Variants in SGIP1 observed in about 807,000 individuals in gnomAD.
SGIP1 encodes SH3-containing GRB2-like protein 3-interacting protein 1.
Under a neutral mutation model 107.5 loss-of-function variants are expected in SGIP1, and 38 were observed. That is an observed-to-expected ratio of 0.35 (90% CI 0.27 to 0.46). The LOEUF is 0.46. Among genes scored for constraint, SGIP1 ranks in the 20% least tolerant of loss-of-function variants. SGIP1 has a pLI of 1.00. For missense variants in SGIP1, 929 were observed against 1,019.5 expected (o/e 0.91, Z 1.21); for synonymous variants, 365 against 366.1 (o/e 1.00, Z 0.03).
chr1:66,693,583 T>C (rs1298518294), intron 17 of SGIP1, among the ~76,000 whole-genome samples: 1 of 152,264 alleles, frequency 6.6e-6, no homozygotes, highest in Non-Finnish European at 1.5e-5. Flanking sequence ...TACTGGTCTT[T>C]GTACAGATTT....
At chr1:66,681,799 G>A in intron 14 of SGIP1, 70 bp from the exon 15 acceptor site, 1 of 1,499,922 alleles carries the variant, frequency 6.7e-7, no homozygotes, top group Non-Finnish European at 9.0e-7. Context: ...TCCAGTCTTT[G>A]CCTCCCTCCC....
chr1:66,559,242 G>C (rs1022451050), intron 1 of SGIP1, among the ~76,000 whole-genome samples: 1 of 152,058 alleles, frequency 6.6e-6, no homozygotes, highest in African/African-American at 2.4e-5. Context: ...AGGCTTATAG[G>C]GGAGGCTGAT....
intron 18 of SGIP1, among the ~76,000 whole-genome samples, chr1:66,700,792 G>A (rs927045713): frequency 6.6e-6 from 1 of 151,876 alleles, no homozygotes; most frequent in African/African-American, 2.4e-5. Context: ...CTATCTAGTT[G>A]TAATTTTGTA....
intron 21 of SGIP1, 40 bp from the exon 22 acceptor site, chr1:66,739,295 C>A: frequency 6.3e-7 from 1 of 1,584,886 alleles, no homozygotes; most frequent in Non-Finnish European, 8.6e-7. Context: ...AAGAACATCC[C>A]TGTCATATGT....
intron 18 of SGIP1, among the ~76,000 whole-genome samples, chr1:66,710,313 C>G (rs1385523149): frequency 6.6e-6 from 1 of 152,092 alleles, no homozygotes; most frequent in Non-Finnish European, 1.5e-5. Context: ...CTAAATGCAT[C>G]TGGTGCTGAG....
chr1:66,634,535 T>TC (rs533103326), intron 3 of SGIP1, among the ~76,000 whole-genome samples: 98 of 152,174 alleles, frequency 6.4e-4, no homozygotes, highest in Non-Finnish European at 1.2e-3. Context: ...TGGGGACGCA[T>TC]CCCCCCAGGG....
At chr1:66,540,775 T>G (rs1195031187) in intron 1 of SGIP1, among the ~76,000 whole-genome samples, 2 of 152,156 alleles carry the variant, frequency 1.3e-5, no homozygotes, top group East Asian at 3.9e-4. Context: ...AAGTCAGACT[T>G]GAGTTTGAGT....
intron 1 of SGIP1, among the ~76,000 whole-genome samples, chr1:66,596,957 AT>A (rs887233994): frequency 1.3e-5 from 2 of 152,154 alleles, no homozygotes; most frequent in Non-Finnish European, 2.9e-5. Flanking sequence ...TATTCTTAAA[AT>A]TTTGTAATAT....
chr1:66,709,547 T>C (rs1004119600), intron 18 of SGIP1, among the ~76,000 whole-genome samples: 3 of 152,154 alleles, frequency 2.0e-5, no homozygotes, highest in Non-Finnish European at 4.4e-5. Flanking sequence ...AAATGATGCA[T>C]TATGTGTAAA....
At chr1:66,538,659 G>C (rs2054174351) in intron 1 of SGIP1, among the ~76,000 whole-genome samples, 1 of 152,110 alleles carries the variant, frequency 6.6e-6, no homozygotes, top group Non-Finnish European at 1.5e-5. Flanking sequence ...TGGTTACTTG[G>C]AACATGTTTT....
intron 1 of SGIP1, among the ~76,000 whole-genome samples, chr1:66,544,333 G>A (rs953204087): frequency 4.6e-5 from 7 of 152,184 alleles, no homozygotes; most frequent in African/African-American, 7.2e-5. Flanking sequence ...CACATGAGAT[G>A]ATATTACCTT....
intron 15 of SGIP1, among the ~76,000 whole-genome samples, chr1:66,683,700 C>CTTTTTTTTT (rs869266510): frequency 0.011 from 651 of 61,370 alleles, 92 homozygotes; most frequent in East Asian, 0.024. Flanking sequence ...TGTTTCTTTT[C>CTTTTTTTTT]TTTTTTTTTT....
At chr1:66,562,190 C>T (rs966897662) in intron 1 of SGIP1, among the ~76,000 whole-genome samples, 1 of 151,976 alleles carries the variant, frequency 6.6e-6, no homozygotes, top group Non-Finnish European at 1.5e-5. Flanking sequence ...ATATGACAGA[C>T]AGGGTAGACA....
chr1:66,680,051 A>G (rs2086330710), intron 14 of SGIP1, among the ~76,000 whole-genome samples: 1 of 152,244 alleles, frequency 6.6e-6, no homozygotes, highest in Admixed American at 6.5e-5. Context: ...TTCATTGTTT[A>G]ATTAACCCCT....
At chr1:66,545,391 G>A (rs1436355143) in intron 1 of SGIP1, among the ~76,000 whole-genome samples, 2 of 152,192 alleles carry the variant, frequency 1.3e-5, no homozygotes, top group Non-Finnish European at 2.9e-5. Flanking sequence ...CTTCAGTGAA[G>A]CCTTCACATA....
At chr1:66,693,256 T>TAATAAATAAATAAATA (rs3077736) in intron 17 of SGIP1, among the ~76,000 whole-genome samples, 37,019 of 142,314 alleles carry the variant, frequency 0.26, 4,971 homozygotes, top group African/African-American at 0.3. Context: ...TTTTTAAAAA[T>TAATAAATAAATAAATA]AATAAATAAA....
chr1:66,689,827 T>G (rs1465064837), intron 16 of SGIP1, among the ~76,000 whole-genome samples: 1 of 152,202 alleles, frequency 6.6e-6, no homozygotes, highest in Non-Finnish European at 1.5e-5. Context: ...AAACAAATGA[T>G]GTCCATAGCA....
At chr1:66,546,506 C>T (rs1449588934) in intron 1 of SGIP1, among the ~76,000 whole-genome samples, 1 of 152,134 alleles carries the variant, frequency 6.6e-6, no homozygotes, top group Non-Finnish European at 1.5e-5. Context: ...TTCCTTAACC[C>T]TTGGTGATCT....
At chr1:66,570,390 T>C (rs910502232) in intron 1 of SGIP1, among the ~76,000 whole-genome samples, 1 of 151,864 alleles carries the variant, frequency 6.6e-6, no homozygotes, top group Non-Finnish European at 1.5e-5. Flanking sequence ...TTCATTTGGG[T>C]CTTTCTGCAC....
Sources: gnomAD v4.1 joint callset for allele counts (sites outside exome capture counted in the v4.1 genomes callset) on GRCh38, gnomAD v4.1.1 for gene constraint, MANE v1.5 for transcripts, NCBI Gene and HGNC (gene_info 2026-07-23, HGNC 2026-07-21) for gene names.